PASD1: variants seen among roughly 807,000 people sequenced by gnomAD.
PASD1 encodes the protein PAS domain containing repressor 1.
PASD1 carries 13 observed loss-of-function variants against 58.8 expected under a neutral mutation model. The ratio of observed to expected loss-of-function variants is 0.22; its 90% confidence interval spans 0.14 to 0.35. The LOEUF (loss-of-function observed/expected upper bound fraction) is 0.35, where lower values mean the gene tolerates loss of function less well. PASD1 is among the 10% of genes least tolerant of loss of function. PASD1 has a pLI of 1.00. For missense variants in PASD1, 734 were observed against 568.3 expected, an observed-to-expected ratio of 1.29 and a Z score of -2.96; for synonymous variants, 236 against 216.7, an observed-to-expected ratio of 1.09 and a Z score of -0.78.
chrX:151,670,289 T>A (rs985200567), intron 11 of PASD1, among the ~76,000 whole-genome samples: 1 of 111,879 alleles, frequency 8.9e-6, no homozygotes, highest in Non-Finnish European at 1.9e-5. Flanking sequence ...GTAGAACACA[T>A]CTTCTAGCAG....
At chrX:151,617,489 A>G (rs1186810818) in intron 4 of PASD1, among the ~76,000 whole-genome samples, 1 of 112,044 alleles carries the variant, frequency 8.9e-6, no homozygotes, top group African/African-American at 3.2e-5. Flanking sequence ...CTTACGAGAC[A>G]TAGCACTTTG....
chrX:151,637,579 T>C (rs2013946620), intron 8 of PASD1, among the ~76,000 whole-genome samples: 1 of 111,171 alleles, frequency 9.0e-6, no homozygotes. Flanking sequence ...TTTCACCATG[T>C]TGGTCTCAAC....
At chrX:151,633,287 A>G (rs771932985) in intron 8 of PASD1, among the ~76,000 whole-genome samples, 1 of 111,084 alleles carries the variant, frequency 9.0e-6, no homozygotes, top group Non-Finnish European at 1.9e-5. Context: ...TGGAGGCCAC[A>G]TACAGCCAGA....
At chrX:151,653,759 T>TTCC (rs2014172555) in intron 9 of PASD1, among the ~76,000 whole-genome samples, 2 of 2,683 alleles carry the variant, frequency 7.5e-4, no homozygotes. Context: ...TCCTTCTTTC[T>TTCC]TTCTTTCTTT....
At chrX:151,638,562 T>C (rs1031346248) in intron 8 of PASD1, among the ~76,000 whole-genome samples, 4 of 111,865 alleles carry the variant, frequency 3.6e-5, no homozygotes, top group African/African-American at 1.3e-4. Context: ...GTCTATGAGT[T>C]TTGAGAATTC....
intron 9 of PASD1, among the ~76,000 whole-genome samples, chrX:151,653,199 T>A (rs1026408314): frequency 1.5e-3 from 138 of 89,576 alleles, no homozygotes; most frequent in African/African-American, 3.4e-3. Context: ...TATATATATT[T>A]TTTTTTTTTT....
At chrX:151,670,057 T>C (rs2014444298) in intron 11 of PASD1, among the ~76,000 whole-genome samples, 1 of 112,165 alleles carries the variant, frequency 8.9e-6, no homozygotes, top group Non-Finnish European at 1.9e-5. Context: ...CCAGCATTTG[T>C]TATTTTCTTA....
At chrX:151,589,995 A>T (rs951845196) in intron 1 of PASD1, among the ~76,000 whole-genome samples, 8 of 111,956 alleles carry the variant, frequency 7.1e-5, no homozygotes, top group Non-Finnish European at 1.5e-4. Flanking sequence ...CGTAATACAG[A>T]TTCTCTGAAA....
At chrX:151,613,841 A>G (rs1261315975) in intron 4 of PASD1, among the ~76,000 whole-genome samples, 1 of 111,826 alleles carries the variant, frequency 8.9e-6, no homozygotes, top group Non-Finnish European at 1.9e-5. Context: ...TTTGTAAACA[A>G]CACAAATTTA....
At chrX:151,671,330 A>G (rs1309376244) in intron 12 of PASD1, 134 bp downstream of exon 12, 2 of 796,857 alleles carry the variant, frequency 2.5e-6, no homozygotes, top group Non-Finnish European at 3.6e-6. Flanking sequence ...TGCTGCCCAC[A>G]GGGTGATATG....
chrX:151,647,539 A>T (rs1031530940), intron 8 of PASD1, among the ~76,000 whole-genome samples: 1 of 109,325 alleles, frequency 9.1e-6, no homozygotes, highest in Non-Finnish European at 1.9e-5. Flanking sequence ...ATATTTAATT[A>T]AATATATACT....
Position 151,563,749 on chromosome X carries a change from C to T in PASD1, c.-118C>T. On this transcript the variant is annotated 5_prime_UTR_variant, in exon 1 of 16. Transcript: ENST00000370357. ...ATTTCCAGACTTTCCGGGCGCCCACCAGGCTCCCGGGCTCTCACCGGAGAC... is the reference window on the plus strand; with the variant it reads ...ATTTCCAGACTTTCCGGGCGCCCACTAGGCTCCCGGGCTCTCACCGGAGAC... 1 of 112,351 alleles carries T rather than the reference C, an allele frequency of 8.9e-6. No individual in the cohort carries two copies. Among genetic ancestry groups the T allele is most frequent in the Non-Finnish European group, 1.9e-5 (1 of 53,220 alleles). The allele number at this position is 112,351 out of a possible 1,213,427, so 9.3% of individuals were successfully genotyped here. A position where few individuals can be genotyped will look rare whatever the true frequency, so the allele number is the denominator to read the frequency against.
At chrX:151,569,640 C>T (rs1189250435) in intron 1 of PASD1, among the ~76,000 whole-genome samples, 1 of 110,882 alleles carries the variant, frequency 9.0e-6, no homozygotes, top group Admixed American at 9.6e-5. Context: ...GTGTATAGAA[C>T]AGAGAGTATA....
chrX:151,675,909 A>G (rs778081012), intron 15 of PASD1, 88 bp from the exon 16 acceptor site: 100 of 982,342 alleles, frequency 1.0e-4, no homozygotes, highest in Non-Finnish European at 1.3e-4. Flanking sequence ...CAGCTTGTGT[A>G]TTTGAACTAA....
rs1316557204 is a variant in PASD1 at position 151,653,895 on chromosome X, T to C, written c.717+5193T>C. 2.5e-3 allele frequency among the ~76,000 whole-genome samples: 140 copies of C among 55,583 alleles called. 4 individuals carry two copies. The highest frequency in any genetic ancestry group is 7.8e-3 in the Middle Eastern group (1 of 129). 48.3% of individuals were successfully genotyped at this position (55,583 alleles called of 115,157 possible). Reference sequence around the variant, plus strand: ...CTTTCTTTCTTTCTTTCTTTCTTTCTTTCTTTCTTTCTTTCTTTCTTTCTT... The same window carrying C: ...CTTTCTTTCTTTCTTTCTTTCTTTCCTTCTTTCTTTCTTTCTTTCTTTCTT... On this transcript the variant is annotated intron_variant, in intron 9 of 15. Transcript: ENST00000370357.
intron 1 of PASD1, among the ~76,000 whole-genome samples, chrX:151,581,478 C>G (rs888004802): frequency 9.2e-5 from 10 of 109,280 alleles, no homozygotes; most frequent in Non-Finnish European, 1.9e-4. Context: ...TAGGTCCTAG[C>G]TACTCAGGAG....
At chrX:151,663,467 A>G (rs2014335396) in intron 10 of PASD1, among the ~76,000 whole-genome samples, 1 of 112,294 alleles carries the variant, frequency 8.9e-6, no homozygotes, top group African/African-American at 3.2e-5. Flanking sequence ...GAACATCTGG[A>G]TTGTTTCCAA....
chrX:151,631,671 T>C (rs1057359527), intron 8 of PASD1, among the ~76,000 whole-genome samples: 2 of 111,453 alleles, frequency 1.8e-5, no homozygotes, highest in Non-Finnish European at 3.8e-5. Flanking sequence ...GGAGACTCCA[T>C]CTGTCAGCAA....
chrX:151,643,289 A>G (rs986790619), intron 8 of PASD1, among the ~76,000 whole-genome samples: 1 of 111,476 alleles, frequency 9.0e-6, no homozygotes, highest in African/African-American at 3.3e-5. Context: ...CAAAACTAAG[A>G]AGGAGCCAGG....
Sources: allele counts gnomAD v4.1 joint callset (sites outside exome capture counted in the v4.1 genomes callset), GRCh38; gene constraint gnomAD v4.1.1; transcripts MANE v1.5; gene names NCBI Gene and HGNC (gene_info 2026-07-23, HGNC 2026-07-21).